The following ATXN1 variants were observed in gnomAD, a reference collection of about 807,000 sequenced individuals.
ATXN1 encodes the protein ataxin-1.
In ATXN1, 8 loss-of-function variants were observed where a neutral mutation model predicts 56.4. The ratio of observed to expected loss-of-function variants is 0.14; its 90% CI spans 0.08 to 0.26. The LOEUF (loss-of-function observed/expected upper bound fraction) is 0.26. Ranked by LOEUF, ATXN1 falls within the 10% of genes least tolerant of loss-of-function variation. ATXN1 has a pLI of 1.00. For missense variants in ATXN1, 987 were observed against 1,106.5 expected, an observed-to-expected ratio of 0.89 and a Z score of 1.53; for synonymous variants, 514 against 494.6, an observed-to-expected ratio of 1.04 and a Z score of -0.52.
chr6:16,640,674 C>T (rs1763692524), intron 3 of ATXN1, among the ~76,000 whole-genome samples: 1 of 150,168 alleles, frequency 6.7e-6, no homozygotes, highest in Non-Finnish European at 1.5e-5. Context: ...CAGAGCGAGA[C>T]TCTGTCTCAA....
intron 6 of ATXN1, among the ~76,000 whole-genome samples, chr6:16,367,399 C>T (rs868681765): frequency 1.3e-5 from 2 of 152,018 alleles, no homozygotes; most frequent in Admixed American, 6.6e-5. Flanking sequence ...CAGACACACA[C>T]ACAATCAGTG....
chr6:16,528,863 T>C (rs1298228618), intron 4 of ATXN1, among the ~76,000 whole-genome samples: 1 of 152,132 alleles, frequency 6.6e-6, no homozygotes, highest in Non-Finnish European at 1.5e-5. Context: ...TCTCAATACA[T>C]AAGCATTCTG....
chr6:16,650,594 C>A lies in ATXN1; in HGVS notation c.-489+7182G>T, dbSNP rs975135219. Among the ~76,000 whole-genome samples, 3 of 152,144 alleles carry A rather than the reference C, an allele frequency of 2.0e-5. No individual in the cohort carries two copies. The South Asian group carries it at 6.2e-4, about 32-fold the overall frequency. ...ATACTTAACATTTGTTGGGTTTAGC[C>A]GAAAGCTGCCTTCTTCCATATTTTA... On this transcript the variant is annotated intron_variant, in intron 3 of 7. Coordinates refer to ENST00000436367, the MANE Select transcript of ATXN1 (RefSeq NM_001128164.2).
chr6:16,307,618 G>A (rs1024768928), intron 7 of ATXN1, among the ~76,000 whole-genome samples: 1 of 150,960 alleles, frequency 6.6e-6, no homozygotes, highest in Non-Finnish European at 1.5e-5. Context: ...ATGTTGCAGC[G>A]AGCCGAGATC....
chr6:16,721,262 A>G (rs1488226462), intron 2 of ATXN1, among the ~76,000 whole-genome samples: 1 of 152,196 alleles, frequency 6.6e-6, no homozygotes. Flanking sequence ...CCATCCCAAA[A>G]TGTGGATGCC....
chr6:16,469,565 C>T (rs1760175457), intron 6 of ATXN1, among the ~76,000 whole-genome samples: 1 of 152,212 alleles, frequency 6.6e-6, no homozygotes, highest in South Asian at 2.1e-4. Context: ...CTTCAAATAA[C>T]ACTACTAGGC....
intron 6 of ATXN1, among the ~76,000 whole-genome samples, chr6:16,420,063 A>G (rs969958973): frequency 6.6e-6 from 1 of 152,248 alleles, no homozygotes; most frequent in Non-Finnish European, 1.5e-5. Context: ...CTGGTGCCTT[A>G]GAGAACATAG....
intron 2 of ATXN1, among the ~76,000 whole-genome samples, chr6:16,726,816 C>T (rs913047414): frequency 1.3e-5 from 2 of 152,114 alleles, no homozygotes; most frequent in African/African-American, 4.8e-5. Flanking sequence ...CAAGATCATG[C>T]CATTGCACTC....
chr6:16,407,537 G>C (rs536851128), intron 6 of ATXN1, among the ~76,000 whole-genome samples: 1 of 152,268 alleles, frequency 6.6e-6, no homozygotes, highest in Admixed American at 6.5e-5. Context: ...CACAACATCT[G>C]GTTTGCTTAT....
At chr6:16,725,473 A>G (rs909236387) in intron 2 of ATXN1, among the ~76,000 whole-genome samples, 1 of 152,246 alleles carries the variant, frequency 6.6e-6, no homozygotes, top group Non-Finnish European at 1.5e-5. Flanking sequence ...ACACTCTCCC[A>G]TTCAATTCAG....
rs545049470 is a variant in ATXN1 at position 16,310,660 on chromosome 6, T to C, written c.1918-3801A>G. Among the ~76,000 whole-genome samples, 7 of 152,236 alleles carry C rather than the reference T, an allele frequency of 4.6e-5. No individual in the cohort carries two copies. In the East Asian group the frequency reaches 1.4e-3, roughly 29 times the overall value. On this transcript the variant is annotated intron_variant, in intron 7 of 7. Coordinates refer to ENST00000436367, the MANE Select transcript of ATXN1 (RefSeq NM_001128164.2). ...ACCACCACCACGCCCAGCTACTTTT[T>C]GTATTTTTAGTAGAGTGGGGGCTTC...
chr6:16,574,848 G>A (rs1422866118), intron 4 of ATXN1, among the ~76,000 whole-genome samples: 1 of 150,418 alleles, frequency 6.6e-6, no homozygotes, highest in Non-Finnish European at 1.5e-5. Flanking sequence ...CCTGTTTCAG[G>A]ATCATACTTA....
At chr6:16,382,232 G>A (rs752877933) in intron 6 of ATXN1, among the ~76,000 whole-genome samples, 6 of 151,758 alleles carry the variant, frequency 4.0e-5, no homozygotes, top group Non-Finnish European at 8.8e-5. Context: ...CCTGGGAGGC[G>A]GAGCTTGCAG....
At chr6:16,629,972 C>A (rs560097440) in intron 3 of ATXN1, among the ~76,000 whole-genome samples, 1 of 151,874 alleles carries the variant, frequency 6.6e-6, no homozygotes, top group African/African-American at 2.4e-5. Flanking sequence ...GTCTGTATAA[C>A]CTTCTTCTGG....
chr6:16,332,193 G>T (rs1761007642), intron 6 of ATXN1, among the ~76,000 whole-genome samples: 1 of 152,168 alleles, frequency 6.6e-6, no homozygotes, highest in African/African-American at 2.4e-5. Context: ...TAACGCTGAG[G>T]TATGTGTCCC....
intron 3 of ATXN1, among the ~76,000 whole-genome samples, chr6:16,651,543 CAAA>C (rs567160469): frequency 7.6e-6 from 1 of 131,538 alleles, no homozygotes. Context: ...GACTCTGTCT[CAAA>C]AAAAAAAAAA....
chr6:16,731,718 T>C (rs1581401732), intron 2 of ATXN1, among the ~76,000 whole-genome samples: 2 of 152,186 alleles, frequency 1.3e-5, no homozygotes, highest in East Asian at 3.9e-4. Flanking sequence ...ATTTGTCATT[T>C]AATTTTTATC....
rs1269632578 is a variant in ATXN1 at position 16,386,817 on chromosome 6, T to G, written c.-160-58347A>C. Among the ~76,000 whole-genome samples the G allele has an allele frequency of 3.9e-5, 6 of 152,330 alleles. 1 individual carries two copies. The highest frequency in any genetic ancestry group is 1.4e-4 in the African/African-American group (6 of 41,576). ...TGAACATGAACAGGATGTTACTCCTTCAAATCACTTTTTAAAAATATTTTG... is the reference window on the plus strand; with the variant it reads ...TGAACATGAACAGGATGTTACTCCTGCAAATCACTTTTTAAAAATATTTTG... On this transcript the variant is annotated intron_variant, in intron 6 of 7. Coordinates refer to ENST00000436367, the MANE Select transcript of ATXN1 (RefSeq NM_001128164.2).
At position 16,479,059 on chromosome 6, in the gene ATXN1, GT is replaced by G. The variant is rs1273418879; in HGVS notation, c.-161+6912del. 2.0e-5 allele frequency among the ~76,000 whole-genome samples: 3 copies of G among 152,262 alleles called. No homozygotes were observed. The South Asian group carries it at 6.2e-4, about 32-fold the overall frequency. ...TAGAATTTAAAAGTAGAAGAAGATG[GT>G]TAAGAGTCCAAAGAGCATGATGATA... On this transcript the variant is annotated intron_variant, in intron 6 of 7. Coordinates refer to ENST00000436367, the MANE Select transcript of ATXN1 (RefSeq NM_001128164.2).
Sources: gnomAD v4.1 joint callset for allele counts (sites outside exome capture counted in the v4.1 genomes callset) on GRCh38, gnomAD v4.1.1 for gene constraint, MANE v1.5 for transcripts, NCBI Gene and HGNC (gene_info 2026-07-23, HGNC 2026-07-21) for gene names.